Variants in ANKS1B observed in about 807,000 individuals in gnomAD.
The protein encoded by ANKS1B is ankyrin repeat and sterile alpha motif domain containing 1B, also known as ankyrin repeat and sterile alpha motif domain-containing protein 1B.
Under a neutral mutation model 148.3 loss-of-function variants are expected in ANKS1B, and 36 were observed. The ratio of observed to expected loss-of-function variants is 0.24; its 90% CI spans 0.19 to 0.32. The LOEUF is 0.32. Among genes scored for constraint, ANKS1B ranks in the 10% least tolerant of loss-of-function variants. The probability of loss-of-function intolerance (pLI) is 1.00; values close to 1 mark genes in which losing one functional copy is unlikely to be tolerated. For synonymous variants in ANKS1B, 542 were observed against 560.8 expected (o/e 0.97, Z 0.47); for missense variants, 1,157 against 1,542.6 (o/e 0.75, Z 4.19).
intron 1 of ANKS1B, among the ~76,000 whole-genome samples, chr12:99,884,184 G>C (rs1439298010): frequency 6.6e-6 from 1 of 152,024 alleles, no homozygotes; most frequent in East Asian, 1.9e-4. Flanking sequence ...TTAGTCATTA[G>C]AAAATGTAAA....
At position 99,084,162 on chromosome 12, in the gene ANKS1B, C is replaced by T. The variant is rs531493184; in HGVS notation, c.2625+763G>A. Among the ~76,000 whole-genome samples, 9 of 152,170 alleles carry T rather than the reference C, an allele frequency of 5.9e-5. No individual in the cohort carries two copies. The East Asian group carries it at 9.7e-4, about 16-fold the overall frequency. On this transcript the variant is annotated intron_variant, in intron 16 of 26. Transcript: ENST00000683438. ...CTTTGGACTTCCCTGAGTAATGACT[C>T]GTGTAATTAGGTCCCTTGTAGGGAC... is the stretch of plus-strand genomic sequence containing the variant.
chr12:99,942,429 G>A (rs1010322871), intron 1 of ANKS1B, among the ~76,000 whole-genome samples: 3 of 152,090 alleles, frequency 2.0e-5, no homozygotes, highest in Non-Finnish European at 4.4e-5. Context: ...TGAATGGTGA[G>A]GCAGTGGAGA....
At chr12:99,787,626 T>A (rs1377894384) in intron 4 of ANKS1B, among the ~76,000 whole-genome samples, 11 of 152,158 alleles carry the variant, frequency 7.2e-5, no homozygotes, top group Non-Finnish European at 1.6e-4. Context: ...TTAACAACTA[T>A]CTGCACACAG....
chr12:99,560,773 G>A (rs1057239071), intron 9 of ANKS1B, among the ~76,000 whole-genome samples: 7 of 151,536 alleles, frequency 4.6e-5, no homozygotes, highest in African/African-American at 1.5e-4. Flanking sequence ...CAGTATTGAT[G>A]GCTGCTGACT....
intron 16 of ANKS1B, among the ~76,000 whole-genome samples, chr12:99,077,449 G>A (rs945827462): frequency 6.6e-6 from 1 of 152,190 alleles, no homozygotes. Context: ...GGTACCATGA[G>A]AGCATCTATG....
intron 9 of ANKS1B, among the ~76,000 whole-genome samples, chr12:99,509,413 TC>T (rs2096741976): frequency 6.6e-6 from 1 of 151,938 alleles, no homozygotes; most frequent in African/African-American, 2.4e-5. Flanking sequence ...AAAGTGCTAC[TC>T]CAGTGAACAC....
intron 14 of ANKS1B, among the ~76,000 whole-genome samples, chr12:99,224,327 A>G (rs1451896058): frequency 6.6e-6 from 1 of 152,176 alleles, no homozygotes; most frequent in Non-Finnish European, 1.5e-5. Context: ...TGTCCCCACC[A>G]AAATCTCATG....
intron 1 of ANKS1B, among the ~76,000 whole-genome samples, chr12:99,827,482 T>C (rs1046231913): frequency 1.3e-5 from 2 of 152,118 alleles, no homozygotes; most frequent in Non-Finnish European, 2.9e-5. Flanking sequence ...AGACTACAGG[T>C]ACCAAAATTG....
chr12:99,382,697 T>TTA (rs2093688330), intron 12 of ANKS1B, among the ~76,000 whole-genome samples: 1 of 82,246 alleles, frequency 1.2e-5, no homozygotes, highest in Non-Finnish European at 2.3e-5. Flanking sequence ...GACTCTGTAT[T>TTA]AAAAAAAAAA....
At chr12:99,154,711 G>A (rs1246763746) in intron 14 of ANKS1B, 7 of 1,437,776 alleles carry the variant, frequency 4.9e-6, no homozygotes, top group Non-Finnish European at 6.4e-6. Context: ...CAAGCTGTCA[G>A]CTTGGGCTGG....
chr12:99,159,741 G>T (rs574257860), intron 14 of ANKS1B, among the ~76,000 whole-genome samples: 1 of 152,298 alleles, frequency 6.6e-6, no homozygotes, highest in Admixed American at 6.5e-5. Flanking sequence ...TTTGGATATA[G>T]ACCCAGTAAT....
Position 99,570,812 on chromosome 12 carries a change from C to T in ANKS1B, c.1273-66171G>A, listed in dbSNP as rs923473288. Reference sequence around the variant, plus strand: ...ACTTTATAAAAGTATATACAATGTACGTACTTTAGAGATCAATTGTTAAAG... The same window carrying T: ...ACTTTATAAAAGTATATACAATGTATGTACTTTAGAGATCAATTGTTAAAG... On this transcript the variant is annotated intron_variant, in intron 9 of 26. Coordinates refer to ENST00000683438, the MANE Select transcript of ANKS1B (RefSeq NM_001352186.2). 2.6e-4 allele frequency among the ~76,000 whole-genome samples: 39 copies of T among 151,834 alleles called. 1 individual carries two copies. Among genetic ancestry groups the T allele is most frequent in the Admixed American group, 1.6e-3 (25 of 15,238 alleles).
intron 12 of ANKS1B, among the ~76,000 whole-genome samples, chr12:99,310,441 C>A (rs1049660866): frequency 2.0e-5 from 3 of 152,114 alleles, no homozygotes; most frequent in Non-Finnish European, 4.4e-5. Flanking sequence ...AATGTTTGTG[C>A]CTCATGTCAT....
At chr12:99,675,480 G>A (rs2098558509) in intron 8 of ANKS1B, among the ~76,000 whole-genome samples, 1 of 151,526 alleles carries the variant, frequency 6.6e-6, no homozygotes, top group African/African-American at 2.4e-5. Context: ...AACCCTAGGA[G>A]GATAAATTCC....
At chr12:98,772,658 T>C (rs1357959448) in intron 25 of ANKS1B, among the ~76,000 whole-genome samples, 2 of 152,104 alleles carry the variant, frequency 1.3e-5, no homozygotes, top group East Asian at 1.9e-4. Flanking sequence ...CACGATTCAA[T>C]TACCTCCCAC....
intron 9 of ANKS1B, chr12:99,648,743 A>G (rs781050833): frequency 1.2e-6 from 2 of 1,613,774 alleles, no homozygotes; most frequent in Non-Finnish European, 1.7e-6. Flanking sequence ...CTAGCTGGGA[A>G]CACATTGGAC....
chr12:98,789,483 G>A (rs1382031970), intron 22 of ANKS1B, among the ~76,000 whole-genome samples: 4 of 151,614 alleles, frequency 2.6e-5, no homozygotes, highest in African/African-American at 9.7e-5. Context: ...CTTGAGAGAT[G>A]TGACAGGCAA....
intron 15 of ANKS1B, among the ~76,000 whole-genome samples, chr12:99,143,481 GTGT>G (rs2071744912): frequency 6.6e-6 from 1 of 152,036 alleles, no homozygotes; most frequent in Admixed American, 6.6e-5. Flanking sequence ...GACCTGTAAG[GTGT>G]TGTTTCTGTG....
chr12:99,739,334 GT>G lies in ANKS1B; in HGVS notation c.1128+33587del, dbSNP rs202196203. Among the ~76,000 whole-genome samples the G allele has an allele frequency of 5.7e-4, 65 of 114,284 alleles. 1 individual carries two copies. Among genetic ancestry groups the G allele is most frequent in the South Asian group, 1.1e-3 (3 of 2,796 alleles). The allele number at this position is 114,284 out of a possible 152,430, so 75.0% of individuals were successfully genotyped here. A position where few individuals can be genotyped will look rare whatever the true frequency, so the allele number is the denominator to read the frequency against. ...TTCTATCTGTGATTTGATGGGGAGG[GT>G]TTTTTTTGGGGGGGGCGGGGCCAAA... On this transcript the variant is annotated intron_variant, in intron 8 of 26. Transcript: ENST00000683438.
Sources: gnomAD v4.1 joint callset for allele counts (sites outside exome capture counted in the v4.1 genomes callset) on GRCh38, gnomAD v4.1.1 for gene constraint, MANE v1.5 for transcripts, NCBI Gene and HGNC (gene_info 2026-07-23, HGNC 2026-07-21) for gene names.